PDE12: variants seen among roughly 807,000 people sequenced by gnomAD.
PDE12 encodes the protein phosphodiesterase 12, also known as 2',5'-phosphodiesterase 12.
A neutral mutation model predicts 45.4 loss-of-function variants in PDE12; 26 were observed. That is an observed-to-expected ratio of 0.57 (90% CI 0.42 to 0.79). The LOEUF is 0.79. PDE12 is among the 30% of genes least tolerant of loss of function. The pLI, the probability that PDE12 is intolerant of heterozygous loss-of-function variation, is 0.00. For missense variants in PDE12, 668 were observed against 790.0 expected (o/e 0.85, Z 1.85); for synonymous variants, 283 against 323.9 (o/e 0.87, Z 1.36).
the PDE12 span, among the ~76,000 whole-genome samples, chr3:57,589,793 A>G: frequency 2.0e-5 from 3 of 151,092 alleles, no homozygotes; most frequent in African/African-American, 7.3e-5. Flanking sequence ...TACATTTTAA[A>G]TTTAAAAAGT....
At chr3:57,580,407 T>A in the PDE12 span, among the ~76,000 whole-genome samples, 2 of 152,054 alleles carry the variant, frequency 1.3e-5, no homozygotes, top group Non-Finnish European at 2.9e-5. Context: ...TGTTTCTTCT[T>A]TTTTTCAAAA....
At chr3:57,607,831 G>A in the PDE12 span, among the ~76,000 whole-genome samples, 1 of 152,160 alleles carries the variant, frequency 6.6e-6, no homozygotes, top group Non-Finnish European at 1.5e-5. Flanking sequence ...TTATCCAGGA[G>A]AACTTCCCCA....
At chr3:57,619,682 G>C in the PDE12 span, 1 of 151,506 alleles carries the variant, frequency 6.6e-6, no homozygotes, top group Non-Finnish European at 1.5e-5. Flanking sequence ...GTGAAACTCC[G>C]TCTCTACTAA....
the PDE12 span, among the ~76,000 whole-genome samples, chr3:57,586,844 CTT>C: frequency 6.6e-6 from 1 of 152,124 alleles, no homozygotes; most frequent in Non-Finnish European, 1.5e-5. Context: ...AAAGCTGTCT[CTT>C]GAAAGCATCA....
At chr3:57,628,108 A>G in the PDE12 span, 4 of 1,495,078 alleles carry the variant, frequency 2.7e-6, no homozygotes, top group Non-Finnish European at 2.7e-6. Flanking sequence ...ATTCATGGCA[A>G]TTTTCCACTC....
chr3:57,608,902 CAGAACTGTCCACCCCA>C, the PDE12 span, among the ~76,000 whole-genome samples: 1 of 152,294 alleles, frequency 6.6e-6, no homozygotes, highest in East Asian at 1.9e-4. Flanking sequence ...TAGACATCTA[CAGAACTGTCCACCCCA>C]AATTAACAAA....
chr3:57,641,549 T>C, the PDE12 span: 1 of 958,502 alleles, frequency 1.0e-6, no homozygotes, highest in South Asian at 2.2e-5. Flanking sequence ...CCAAAGGCCT[T>C]GAAGAAAGCT....
chr3:57,609,623 A>G, the PDE12 span, among the ~76,000 whole-genome samples: 1 of 152,228 alleles, frequency 6.6e-6, no homozygotes, highest in Non-Finnish European at 1.5e-5. Flanking sequence ...AAAATAAACT[A>G]GAAAATCTAG....
At chr3:57,586,284 ACTTT>A in the PDE12 span, among the ~76,000 whole-genome samples, 20,259 of 152,202 alleles carry the variant, frequency 0.13, 1,427 homozygotes, top group South Asian at 0.21. Context: ...AAGCAAGGAC[ACTTT>A]CTTAATATTT....
In PDE12 at chr3:57,556,715, G is replaced by T. The variant is rs1475583396; in HGVS notation, c.336G>T (p.Gly112=). The T allele has an allele frequency of 6.3e-7, 1 of 1,595,314 alleles. No homozygotes were observed. The highest frequency in any genetic ancestry group is 8.6e-7 in the Non-Finnish European group (1 of 1,167,652). ...ASGGAACSGP[G]PEPAVFCEPV... ...GCGGTGCGGCCTGTTCAGGGCCGGG[G>T]CCTGAGCCGGCTGTGTTCTGCGAGC... Residue 112 remains glycine (G), a synonymous_variant, in exon 1 of 3, where the codon GGG becomes GGT. Coordinates refer to ENST00000311180, the MANE Select transcript of PDE12 (RefSeq NM_177966.7). The surrounding 1 kb of genome is among the most constrained non-coding windows in gnomAD (Gnocchi z 5.0).
chr3:57,628,765 C>T, the PDE12 span: 1 of 1,583,500 alleles, frequency 6.3e-7, no homozygotes, highest in Non-Finnish European at 8.6e-7. Flanking sequence ...AGGACAATGT[C>T]TTCAAAGAAA....
At chr3:57,635,784 T>G in the PDE12 span, among the ~76,000 whole-genome samples, 1 of 152,212 alleles carries the variant, frequency 6.6e-6, no homozygotes, top group Non-Finnish European at 1.5e-5. Context: ...GAAGTACAGT[T>G]GAACATTGAA....
At chr3:57,656,157 G>A in the PDE12 span, among the ~76,000 whole-genome samples, 3 of 152,082 alleles carry the variant, frequency 2.0e-5, no homozygotes, top group African/African-American at 4.8e-5. Context: ...ATCACCTCAC[G>A]AAATGCCCGC....
the PDE12 span, among the ~76,000 whole-genome samples, chr3:57,605,173 C>G: frequency 6.6e-6 from 1 of 152,092 alleles, no homozygotes; most frequent in Admixed American, 6.6e-5. Context: ...CAAGTTGCAG[C>G]ACAGAAACGG....
downstream of PDE12, among the ~76,000 whole-genome samples, chr3:57,567,829 G>A (rs1188184937): frequency 6.6e-6 from 1 of 151,998 alleles, no homozygotes; most frequent in African/African-American, 2.4e-5. Flanking sequence ...GGATGCGGTG[G>A]CTCACACCTG....
At chr3:57,600,508 C>T in the PDE12 span, among the ~76,000 whole-genome samples, 1 of 149,754 alleles carries the variant, frequency 6.7e-6, no homozygotes, top group Non-Finnish European at 1.5e-5. Context: ...CCTTTTTCCT[C>T]CTGCCTCAGC....
the PDE12 span, chr3:57,584,285 T>C: frequency 1.7e-6 from 2 of 1,144,070 alleles, no homozygotes; most frequent in Middle Eastern, 2.9e-4. Context: ...ACTTCTAAGA[T>C]AATCAACATG....
At chr3:57,615,441 TCTAC>T in the PDE12 span, among the ~76,000 whole-genome samples, 1 of 152,086 alleles carries the variant, frequency 6.6e-6, no homozygotes, top group South Asian at 2.1e-4. Flanking sequence ...AACTTCAACT[TCTAC>T]CTTGAGTAAC....
At chr3:57,643,966 T>G in the PDE12 span, among the ~76,000 whole-genome samples, 11 of 151,144 alleles carry the variant, frequency 7.3e-5, no homozygotes, top group Admixed American at 3.3e-4. Context: ...CTGGCCAATA[T>G]AGTGAAACCC....
Sources: gnomAD v4.1 joint callset for allele counts (sites outside exome capture counted in the v4.1 genomes callset) on GRCh38, gnomAD v4.1.1 for gene constraint, Gnocchi (gnomAD v3.1) non-coding constraint, MANE v1.5 for transcripts, NCBI Gene and HGNC (gene_info 2026-07-23, HGNC 2026-07-21) for gene names.